The following CRAMP1 variants were observed in gnomAD, a reference collection of about 807,000 sequenced individuals.
The protein encoded by CRAMP1 is cramped chromatin regulator 1.
In CRAMP1, 50 loss-of-function variants were observed where a neutral mutation model predicts 115.4. That is an observed-to-expected ratio of 0.43 (90% CI 0.35 to 0.55). The LOEUF (loss-of-function observed/expected upper bound fraction) is 0.55, where lower values mean the gene tolerates loss of function less well. CRAMP1 is among the 20% of genes least tolerant of loss of function. CRAMP1 has a pLI of 0.01. For missense variants in CRAMP1, 1,679 were observed against 1,721.7 expected (o/e 0.98, Z 0.44); for synonymous variants, 866 against 745.4 (o/e 1.16, Z -2.64).
rs1448318142 is a variant in CRAMP1 at position 1,676,194 on chromosome 16, G to T, written c.*2149G>T. ...GTTTTGGAGGTCAGAGTCTGCTTTCGTAGGCTCTTTAGACAGCACCTACCA... is the reference window on the plus strand; with the variant it reads ...GTTTTGGAGGTCAGAGTCTGCTTTCTTAGGCTCTTTAGACAGCACCTACCA... On this transcript the variant is annotated 3_prime_UTR_variant, in exon 21 of 21. Coordinates refer to ENST00000397412, the MANE Select transcript of CRAMP1 (RefSeq NM_020825.4). The T allele has an allele frequency of 6.6e-6, 1 of 152,236 alleles. No homozygotes were observed. Among genetic ancestry groups the T allele is most frequent in the African/African-American group, 2.4e-5 (1 of 41,432 alleles). 9.4% of individuals were successfully genotyped at this position (152,236 alleles called of 1,614,324 possible). A position where few individuals can be genotyped will look rare whatever the true frequency, so the allele number is the denominator to read the frequency against.
intron 14 of CRAMP1, among the ~76,000 whole-genome samples, chr16:1,665,598 A>G (rs1303804054): frequency 6.6e-6 from 1 of 152,128 alleles, no homozygotes; most frequent in East Asian, 1.9e-4. Flanking sequence ...CTTTTCTACC[A>G]GTGTTGACTT....
intron 4 of CRAMP1, among the ~76,000 whole-genome samples, chr16:1,637,155 A>G (rs1024796095): frequency 3.9e-5 from 6 of 152,180 alleles, no homozygotes; most frequent in African/African-American, 1.4e-4. Flanking sequence ...TAGCCAGGCC[A>G]TAATGGTGTG....
At chr16:1,643,896 AGATGACT>A (rs2142188214) in intron 6 of CRAMP1, among the ~76,000 whole-genome samples, 1 of 152,336 alleles carries the variant, frequency 6.6e-6, no homozygotes, top group South Asian at 2.1e-4. Context: ...AGGGGCTCTG[AGATGACT>A]GACTGTGGGC....
intron 2 of CRAMP1, among the ~76,000 whole-genome samples, chr16:1,618,651 G>A (rs538158799): frequency 2.6e-5 from 4 of 152,282 alleles, no homozygotes; most frequent in South Asian, 2.1e-4. Context: ...ATCGGTAAAC[G>A]ACTGTGCACA....
chr16:1,668,244 C>A, intron 18 of CRAMP1, 51 bp downstream of exon 18: 1 of 1,323,134 alleles, frequency 7.6e-7, no homozygotes. Context: ...TGTTGATCTC[C>A]TGCCCCAATG....
intron 2 of CRAMP1, among the ~76,000 whole-genome samples, chr16:1,624,286 T>C (rs1283270810): frequency 1.3e-5 from 2 of 152,208 alleles, no homozygotes; most frequent in Non-Finnish European, 2.9e-5. Context: ...GCACTGAGCC[T>C]CTAGCCTGCG....
At chr16:1,654,572 G>A (rs1223093223) in intron 8 of CRAMP1, among the ~76,000 whole-genome samples, 1 of 152,134 alleles carries the variant, frequency 6.6e-6, no homozygotes, top group African/African-American at 2.4e-5. Context: ...TTGTTCTGTG[G>A]CCACCGTCTC....
rs1343047338 is a variant in CRAMP1, at chr16:1,674,208, G to A, written c.*163G>A. On this transcript the variant is annotated 3_prime_UTR_variant, in exon 21 of 21. Transcript: ENST00000397412. ...TGCTTCCCCACGAGCAGCAGGCAAC[G>A]GCGTCCAAGGAGACTAGGATGAGTT... The A allele has an allele frequency of 1.2e-5, 8 of 672,984 alleles. No homozygotes were observed. Among genetic ancestry groups the A allele is most frequent in the East Asian group, 2.7e-5 (1 of 36,512 alleles). 41.7% of individuals were successfully genotyped at this position (672,984 alleles called of 1,614,324 possible).
chr16:1,645,665 C>G (rs536816946), intron 6 of CRAMP1, among the ~76,000 whole-genome samples: 1 of 152,274 alleles, frequency 6.6e-6, no homozygotes, highest in South Asian at 2.1e-4. Context: ...CCTGAACACC[C>G]TGTGCTCTGC....
Position 1,614,917 on chromosome 16 carries a change from G to A in CRAMP1, c.278G>A (p.Arg93Lys). 1 of 1,301,592 alleles carries A rather than the reference G, an allele frequency of 7.7e-7. No individual in the cohort carries two copies. The highest frequency in any genetic ancestry group is 1.5e-5 in the African/African-American group (1 of 65,556). 80.6% of individuals were successfully genotyped at this position (1,301,592 alleles called of 1,614,324 possible). A position where few individuals can be genotyped will look rare whatever the true frequency, so the allele number is the denominator to read the frequency against. The change falls in exon 2 of 21, where the codon AGG becomes AAG. Residue 93 changes from arginine to lysine, a missense_variant. Arg to Lys is a conservative substitution (Grantham distance 26). Coordinates refer to ENST00000397412, the MANE Select transcript of CRAMP1 (RefSeq NM_020825.4). This position sits in a 1 kb window ranked among gnomAD's most constrained non-coding sequence, Gnocchi z 4.4. ...LRSSVRPQSK[R>K]PRKDPPSAVG... is the part of the protein sequence containing the mutation. ...TCCAGCGTGCGGCCGCAGAGCAAGA[G>A]GCCCAGGAAGGATCCTCCGAGCGCT...
chr16:1,625,915 C>T, intron 2 of CRAMP1, 58 bp from the exon 3 acceptor site: 1 of 1,529,120 alleles, frequency 6.5e-7, no homozygotes, highest in Non-Finnish European at 8.9e-7. Context: ...CGGCCCTCTA[C>T]CCTGCCCAGC....
Position 1,614,311 on chromosome 16 carries a change from C to CCCGGGGCCGGGGCCGGGGCCGGGG in CRAMP1, c.-1-322_-1-299dup, listed in dbSNP as rs562220790. Among the ~76,000 whole-genome samples, 1,230 of 144,256 alleles carry CCCGGGGCCGGGGCCGGGGCCGGGG rather than the reference C, an allele frequency of 8.5e-3. 10 individuals carry two copies. Among genetic ancestry groups the CCCGGGGCCGGGGCCGGGGCCGGGG allele is most frequent in the East Asian group, 0.014 (68 of 4,768 alleles). 94.6% of individuals were successfully genotyped at this position (144,256 alleles called of 152,430 possible). ...CGCCCGCGCCGGGGCTCCCATAGAC[C>CCCGGGGCCGGGGCCGGGGCCGGGG]CCGGGGCCGGGGCCGGGGCCGGGGC... On this transcript the variant is annotated intron_variant, in intron 1 of 20. Transcript: ENST00000397412. This position sits in a 1 kb window ranked among gnomAD's most constrained non-coding sequence, Gnocchi z 4.4.
intron 5 of CRAMP1, 133 bp downstream of exon 5, chr16:1,638,040 A>G: frequency 2.1e-6 from 1 of 469,700 alleles, no homozygotes; most frequent in East Asian, 3.5e-5. Flanking sequence ...GAGGTGAAGA[A>G]TATGATGGCG....
At chr16:1,644,908 C>G (rs1248606523) in intron 6 of CRAMP1, among the ~76,000 whole-genome samples, 1 of 149,502 alleles carries the variant, frequency 6.7e-6, no homozygotes, top group African/African-American at 2.5e-5. Context: ...CGCCATGTTG[C>G]CCAGGCTGAT....
In CRAMP1 at chr16:1,659,886, G is replaced by A. The variant is rs780091307; in HGVS notation, c.2236G>A (p.Ala746Thr). The change falls in exon 11 of 21, where the codon GCT (alanine) becomes ACT (threonine). Residue 746 changes from alanine (A) to threonine (T), a missense_variant and splice_region_variant. This residue lies in a region of CRAMP1 where 709 missense variants were observed against 741.9 expected (regional missense o/e 0.96). Coordinates refer to ENST00000397412, the MANE Select transcript of CRAMP1 (RefSeq NM_020825.4). ...LISTEVNPKLALEANTISTAS... is the reference protein window; with the variant it reads ...LISTEVNPKLTLEANTISTAS... ...ATTGTTTGGCCCATTTCTGTCCTAG[G>A]CTCTGGAAGCAAACACCATCTCTAC... 5.6e-6 allele frequency: 9 copies of A among 1,613,130 alleles called. No homozygotes were observed. The highest frequency in any genetic ancestry group is 6.8e-6 in the Non-Finnish European group (8 of 1,179,782).
intron 3 of CRAMP1, among the ~76,000 whole-genome samples, chr16:1,631,528 G>T (rs2036548197): frequency 6.6e-6 from 1 of 152,236 alleles, no homozygotes; most frequent in Non-Finnish European, 1.5e-5. Flanking sequence ...GCTGGTTACT[G>T]CTGAGCCCTT....
At chr16:1,626,603 T>C (rs1161672607) in intron 3 of CRAMP1, among the ~76,000 whole-genome samples, 1 of 152,064 alleles carries the variant, frequency 6.6e-6, no homozygotes, top group Non-Finnish European at 1.5e-5. Flanking sequence ...ATGTTGCTGC[T>C]GACTTGGGAC....
rs781721413 is a variant in CRAMP1 at position 1,656,618 on chromosome 16, C to G, written c.1861C>G (p.Pro621Ala). The G allele has an allele frequency of 1.9e-6, 3 of 1,575,376 alleles. No individual in the cohort carries two copies. The highest frequency in any genetic ancestry group is 1.4e-5 in the African/African-American group (1 of 73,980). Residue 621 changes from proline (P) to alanine (A), a missense_variant, in exon 10 of 21, where the codon CCC becomes GCC. Physicochemically the swap from Pro to Ala is conservative, Grantham distance 27. Transcript: ENST00000397412. This position sits in a 1 kb window ranked among gnomAD's most constrained non-coding sequence, Gnocchi z 5.6. ...CACTGGCCCATCCCCGAGGCCCGGC[C>G]CCGGGCTCCTGCTGGATGTTTGCAC... The part of the protein sequence containing the change: ...APTGPSPRPG[P>A]GLLLDVCTKD...
rs1476031865 is a variant in CRAMP1 at position 1,614,260 on chromosome 16, CG to C, written c.-1-377del. On this transcript the variant is annotated intron_variant, in intron 1 of 20. Coordinates refer to ENST00000397412, the MANE Select transcript of CRAMP1 (RefSeq NM_020825.4). The surrounding 1 kb of genome is among the most constrained non-coding windows in gnomAD (Gnocchi z 4.4). ...GGTGGCTGTGGGCGGGGCAGCGGCC[CG>C]GACCCGCAACCGTGCCCAGACCCGC... 1.4e-5 allele frequency among the ~76,000 whole-genome samples: 2 copies of C among 147,046 alleles called. No individual in the cohort carries two copies. The highest frequency in any genetic ancestry group is 4.9e-5 in the African/African-American group (2 of 40,952).
Sources: gnomAD v4.1 joint callset for allele counts (sites outside exome capture counted in the v4.1 genomes callset) on GRCh38, gnomAD v4.1.1 for gene constraint, gnomAD v4.1.1 regional missense constraint, Gnocchi (gnomAD v3.1) non-coding constraint, MANE v1.5 for transcripts, NCBI Gene and HGNC (gene_info 2026-07-23, HGNC 2026-07-21) for gene names.